Variants in ABLIM1 observed in about 807,000 individuals in gnomAD.
The protein encoded by ABLIM1 is actin-binding LIM protein 1.
ABLIM1 carries 40 observed loss-of-function variants against 107.0 expected under a neutral mutation model. The observed-to-expected ratio is 0.37, with a 90% CI of 0.29 to 0.49. ABLIM1 has a LOEUF of 0.49. Among genes scored for constraint, ABLIM1 ranks in the 20% least tolerant of loss-of-function variants. The pLI, the probability that ABLIM1 is intolerant of heterozygous loss-of-function variation, is 0.97. For missense variants in ABLIM1, 857 were observed against 1,008.5 expected (o/e 0.85, Z 2.04); for synonymous variants, 357 against 357.3 (o/e 1.00, Z 0.01).
In ABLIM1 at chr10:114,694,266, C is replaced by T. The variant is rs558061119; in HGVS notation, c.-213+73795G>A. 7.6e-4 allele frequency among the ~76,000 whole-genome samples: 116 copies of T among 152,268 alleles called. 1 individual carries two copies. Among genetic ancestry groups the T allele is most frequent in the Admixed American group, 1.6e-3 (25 of 15,290 alleles). On this transcript the variant is annotated intron_variant, in intron 1 of 15. Transcript: ENST00000651092. ...CAGCTGAGCTGTGTGGGTTCTGGCCCGGGTGCCACTCTGAGAAAACATCAC... is the reference window on the plus strand; with the variant it reads ...CAGCTGAGCTGTGTGGGTTCTGGCCTGGGTGCCACTCTGAGAAAACATCAC...
At chr10:114,674,601 C>A (rs925353830) in intron 1 of ABLIM1, among the ~76,000 whole-genome samples, 1 of 151,950 alleles carries the variant, frequency 6.6e-6, no homozygotes, top group African/African-American at 2.4e-5. Context: ...ACTGTTAAGG[C>A]AATTAAATGA....
chr10:114,656,207 T>C (rs1326132401), intron 1 of ABLIM1, among the ~76,000 whole-genome samples: 1 of 144,056 alleles, frequency 6.9e-6, no homozygotes, highest in Non-Finnish European at 1.5e-5. Flanking sequence ...GAGGCAGAGG[T>C]TGCAGTGAGC....
chr10:114,590,200 T>G (rs914838038), intron 2 of ABLIM1, among the ~76,000 whole-genome samples: 1 of 151,936 alleles, frequency 6.6e-6, no homozygotes, highest in Non-Finnish European at 1.5e-5. Context: ...ACCAGCTAGG[T>G]TTGTGGAGGT....
the ABLIM1 span, among the ~76,000 whole-genome samples, chr10:114,795,196 C>T: frequency 2.0e-5 from 3 of 152,150 alleles, no homozygotes; most frequent in African/African-American, 7.2e-5. Flanking sequence ...ATGGTAGCGT[C>T]TATGGCATGC....
the ABLIM1 span, among the ~76,000 whole-genome samples, chr10:114,798,185 C>T: frequency 6.6e-6 from 1 of 152,144 alleles, no homozygotes; most frequent in Non-Finnish European, 1.5e-5. Context: ...CTTTGGGAGG[C>T]TGAGGCAGGC....
intron 8 of ABLIM1, among the ~76,000 whole-genome samples, chr10:114,484,419 G>C (rs566513918): frequency 6.6e-6 from 1 of 151,926 alleles, no homozygotes; most frequent in Non-Finnish European, 1.5e-5. Context: ...GTCTTGCTCT[G>C]TCATCCCGGC....
At chr10:114,522,916 T>G (rs1050166709) in intron 6 of ABLIM1, among the ~76,000 whole-genome samples, 1 of 152,138 alleles carries the variant, frequency 6.6e-6, no homozygotes, top group African/African-American at 2.4e-5. Flanking sequence ...TTTGGGAGGC[T>G]GAAGCGGGTG....
chr10:114,750,801 C>T (rs971941616), intron 1 of ABLIM1, among the ~76,000 whole-genome samples: 3 of 152,120 alleles, frequency 2.0e-5, no homozygotes, highest in African/African-American at 7.2e-5. Flanking sequence ...TCATAAAGAA[C>T]ATTTTTCCTG....
Position 114,441,781 on chromosome 10 carries a change from G to A in ABLIM1, c.1939C>T (p.His647Tyr), listed in dbSNP as rs770457275. Reference protein sequence around the residue: ...RYDSPINSASHIPSSKTASLP... With the variant: ...RYDSPINSASYIPSSKTASLP... ...GATGCAGTTTTAGATGATGGAATAT[G>A]TGAAGCTGAGTAAGAAAAAAGTAAA... is the stretch of plus-strand genomic sequence containing the variant. Residue 647 changes from histidine to tyrosine, a missense_variant, in exon 18 of 23, where the codon CAT (histidine) becomes TAT (tyrosine). Around this residue, in one of 5 missense-constraint regions of ABLIM1, gnomAD observed 193 missense variants for 208.5 expected, o/e 0.93. Coordinates refer to ENST00000533213, the MANE Select transcript of ABLIM1 (RefSeq NM_002313.7). 1.2e-6 allele frequency: 2 copies of A among 1,613,584 alleles called. No homozygotes were observed. Among genetic ancestry groups the A allele is most frequent in the African/African-American group, 2.7e-5 (2 of 74,918 alleles).
At chr10:114,603,016 G>A (rs1397220081) in intron 1 of ABLIM1, among the ~76,000 whole-genome samples, 1 of 152,144 alleles carries the variant, frequency 6.6e-6, no homozygotes, top group African/African-American at 2.4e-5. Context: ...TTGATGTGGG[G>A]CCTCAGAAGG....
At chr10:114,502,997 T>C (rs527312997) in intron 6 of ABLIM1, among the ~76,000 whole-genome samples, 22 of 152,342 alleles carry the variant, frequency 1.4e-4, no homozygotes, top group African/African-American at 5.0e-4. Flanking sequence ...TCAGTTTCCA[T>C]CAATAGAAGC....
intron 1 of ABLIM1, among the ~76,000 whole-genome samples, chr10:114,653,121 G>C (rs2079329851): frequency 6.6e-6 from 1 of 152,166 alleles, no homozygotes; most frequent in African/African-American, 2.4e-5. Flanking sequence ...CCCAAATCTA[G>C]TACTTATGTG....
chr10:114,508,779 A>C (rs1489910625), intron 6 of ABLIM1, among the ~76,000 whole-genome samples: 1 of 152,240 alleles, frequency 6.6e-6, no homozygotes, highest in Non-Finnish European at 1.5e-5. Flanking sequence ...TGAATTAAAC[A>C]AGCCTTATAT....
intron 16 of ABLIM1, among the ~76,000 whole-genome samples, chr10:114,444,428 T>C (rs535968664): frequency 2.8e-4 from 43 of 152,296 alleles, no homozygotes; most frequent in African/African-American, 9.1e-4. Context: ...TCAGAAGGCA[T>C]GTGTGAGTGT....
chr10:114,765,879 C>T (rs1184994831), intron 1 of ABLIM1, among the ~76,000 whole-genome samples: 1 of 152,126 alleles, frequency 6.6e-6, no homozygotes, highest in African/African-American at 2.4e-5. Flanking sequence ...TTACCAAATG[C>T]CTACCAAGAT....
At chr10:114,610,352 G>A (rs370684221) in intron 1 of ABLIM1, among the ~76,000 whole-genome samples, 24 of 152,316 alleles carry the variant, frequency 1.6e-4, no homozygotes, top group Middle Eastern at 3.4e-3. Context: ...GCAATCCTAA[G>A]ATGCTCCTCT....
chr10:114,587,507 T>C (rs991498090), intron 2 of ABLIM1, among the ~76,000 whole-genome samples: 2 of 152,154 alleles, frequency 1.3e-5, no homozygotes, highest in Non-Finnish European at 2.9e-5. Flanking sequence ...ATAAATAACA[T>C]ATAAAACTAC....
chr10:114,440,295 C>T (rs2060002540), intron 19 of ABLIM1, among the ~76,000 whole-genome samples: 1 of 152,194 alleles, frequency 6.6e-6, no homozygotes, highest in African/African-American at 2.4e-5. Context: ...ACAGTTAAAA[C>T]ATTTTCCCCT....
chr10:114,608,254 C>T (rs2076559753), intron 1 of ABLIM1, among the ~76,000 whole-genome samples: 2 of 152,238 alleles, frequency 1.3e-5, no homozygotes, highest in South Asian at 4.1e-4. Context: ...GTCCCAGCTA[C>T]TTGGCAGGCT....
Sources: allele counts gnomAD v4.1 joint callset (sites outside exome capture counted in the v4.1 genomes callset), GRCh38; gene constraint gnomAD v4.1.1; regional missense constraint gnomAD v4.1.1; transcripts MANE v1.5; gene names NCBI Gene and HGNC (gene_info 2026-07-23, HGNC 2026-07-21).